The following KCNIP4 variants were observed in gnomAD, a reference collection of about 807,000 sequenced individuals.
The protein encoded by KCNIP4 is Kv channel-interacting protein 4.
Under a neutral mutation model 34.0 loss-of-function variants are expected in KCNIP4, and 12 were observed. That is an observed-to-expected ratio of 0.35 (90% CI 0.23 to 0.57). The LOEUF (loss-of-function observed/expected upper bound fraction) is 0.57. Ranked by LOEUF, KCNIP4 falls within the 20% of genes least tolerant of loss-of-function variation. The pLI, the probability that KCNIP4 is intolerant of heterozygous loss-of-function variation, is 0.83. For missense variants in KCNIP4, 238 were observed against 311.7 expected (o/e 0.76, Z 1.78); for synonymous variants, 124 against 102.2 (o/e 1.21, Z -1.29).
intron 1 of KCNIP4, among the ~76,000 whole-genome samples, chr4:21,914,661 T>A (rs1213057608): frequency 6.6e-6 from 1 of 152,216 alleles, no homozygotes; most frequent in East Asian, 1.9e-4. Flanking sequence ...CTTCATCACC[T>A]GCTCCTCTCT....
At chr4:21,719,860 G>A (rs1366761978) in intron 1 of KCNIP4, among the ~76,000 whole-genome samples, 1 of 151,878 alleles carries the variant, frequency 6.6e-6, no homozygotes, top group Non-Finnish European at 1.5e-5. Flanking sequence ...CTACTTGGGA[G>A]GCTGAGGCAG....
intron 3 of KCNIP4, among the ~76,000 whole-genome samples, chr4:20,834,681 G>A (rs960508726): frequency 7.9e-6 from 1 of 127,102 alleles, no homozygotes; most frequent in Admixed American, 7.8e-5. Flanking sequence ...GTGATGGAAA[G>A]GTATTGGGAA....
chr4:20,751,831 C>G (rs1578524948), intron 4 of KCNIP4, among the ~76,000 whole-genome samples: 1 of 152,276 alleles, frequency 6.6e-6, no homozygotes, highest in Non-Finnish European at 1.5e-5. Context: ...TCCTGTTCTT[C>G]TAAATGTGCC....
In KCNIP4 at chr4:21,095,611, T is replaced by G. The variant is rs529839204; in HGVS notation, c.62-212902A>C. Among the ~76,000 whole-genome samples, 1,367 of 148,008 alleles carry G rather than the reference T, an allele frequency of 9.2e-3. 9 individuals carry two copies. Among genetic ancestry groups the G allele is most frequent in the Middle Eastern group, 0.021 (6 of 286 alleles). On this transcript the variant is annotated intron_variant, in intron 1 of 8. Coordinates refer to ENST00000382152, the MANE Select transcript of KCNIP4 (RefSeq NM_025221.6). ...CTAGAATATAAACTACTATGCAGAG[T>G]GCAAATGCTATGTTTCATTAGTGTG...
chr4:21,433,322 C>A (rs1018764965), intron 1 of KCNIP4, among the ~76,000 whole-genome samples: 31 of 152,094 alleles, frequency 2.0e-4, no homozygotes, highest in African/African-American at 7.5e-4. Context: ...ATATATGGGG[C>A]TGGGTGCAGT....
chr4:21,030,287 A>G (rs1740905639), intron 1 of KCNIP4, among the ~76,000 whole-genome samples: 1 of 152,140 alleles, frequency 6.6e-6, no homozygotes, highest in Admixed American at 6.6e-5. Context: ...GCTCCTTATG[A>G]GAATCTAATG....
intron 3 of KCNIP4, among the ~76,000 whole-genome samples, chr4:20,813,390 G>A (rs1716005847): frequency 6.6e-6 from 1 of 152,158 alleles, no homozygotes; most frequent in Non-Finnish European, 1.5e-5. Flanking sequence ...TCATTGAGGG[G>A]AGCAAGGGCA....
intron 1 of KCNIP4, among the ~76,000 whole-genome samples, chr4:21,590,825 A>G (rs1742146628): frequency 1.3e-5 from 2 of 151,936 alleles, no homozygotes; most frequent in Non-Finnish European, 2.9e-5. Context: ...TATAGACAAA[A>G]CTGATCCTCT....
chr4:21,828,467 A>G (rs979323838), intron 1 of KCNIP4, among the ~76,000 whole-genome samples: 19 of 152,004 alleles, frequency 1.2e-4, no homozygotes, highest in African/African-American at 4.6e-4. Flanking sequence ...AAGACTTTCC[A>G]AAACTGTTGA....
chr4:20,752,372 T>C (rs561271083), intron 4 of KCNIP4, among the ~76,000 whole-genome samples: 1 of 152,292 alleles, frequency 6.6e-6, no homozygotes, highest in Admixed American at 6.5e-5. Context: ...ATAGAGATCT[T>C]ACTAAGTTTA....
intron 1 of KCNIP4, among the ~76,000 whole-genome samples, chr4:21,837,019 T>C (rs1723368764): frequency 6.7e-6 from 1 of 148,516 alleles, no homozygotes. Context: ...CCGGATTCAC[T>C]CCATTCTCCT....
intron 1 of KCNIP4, among the ~76,000 whole-genome samples, chr4:21,216,539 G>C (rs1757589440): frequency 6.6e-6 from 1 of 152,150 alleles, no homozygotes; most frequent in African/African-American, 2.4e-5. Flanking sequence ...TGAAGACACG[G>C]GGAGGAAGAT....
intron 1 of KCNIP4, among the ~76,000 whole-genome samples, chr4:21,647,033 G>A (rs1747071777): frequency 6.6e-6 from 1 of 152,066 alleles, no homozygotes; most frequent in Non-Finnish European, 1.5e-5. Context: ...AATTGAAAGT[G>A]AATAGAATGG....
chr4:21,219,139 C>T (rs1392207478), intron 1 of KCNIP4, among the ~76,000 whole-genome samples: 2 of 152,142 alleles, frequency 1.3e-5, no homozygotes, highest in African/African-American at 4.8e-5. Flanking sequence ...GCAAACCCAG[C>T]AGCCCTGCGT....
chr4:21,744,588 C>G (rs990128215), intron 1 of KCNIP4, among the ~76,000 whole-genome samples: 4 of 152,172 alleles, frequency 2.6e-5, no homozygotes, highest in African/African-American at 9.6e-5. Flanking sequence ...TCCTGGGACT[C>G]TCAACCCAGC....
chr4:21,173,470 A>C (rs1180137179), intron 1 of KCNIP4, among the ~76,000 whole-genome samples: 2 of 152,168 alleles, frequency 1.3e-5, no homozygotes, highest in Admixed American at 1.3e-4. Flanking sequence ...AGTTCAGGGG[A>C]GGAAGGCTCC....
chr4:20,948,973 T>C (rs1732482874), intron 1 of KCNIP4, among the ~76,000 whole-genome samples: 1 of 152,176 alleles, frequency 6.6e-6, no homozygotes, highest in Admixed American at 6.5e-5. Context: ...TTTAATGGAA[T>C]CCCTGCCACC....
intron 1 of KCNIP4, among the ~76,000 whole-genome samples, chr4:21,035,728 A>G (rs1475420812): frequency 1.3e-5 from 2 of 152,150 alleles, no homozygotes; most frequent in Non-Finnish European, 1.5e-5. Flanking sequence ...CTCTGCTCAT[A>G]TTCCCTGAGA....
intron 1 of KCNIP4, among the ~76,000 whole-genome samples, chr4:21,818,061 T>C (rs1218295436): frequency 3.3e-5 from 5 of 152,158 alleles, no homozygotes; most frequent in African/African-American, 1.2e-4. Flanking sequence ...CCCTTCCCTT[T>C]TTGAAACCCT....
Sources: allele counts gnomAD v4.1 joint callset (sites outside exome capture counted in the v4.1 genomes callset), GRCh38; gene constraint gnomAD v4.1.1; transcripts MANE v1.5; gene names NCBI Gene and HGNC (gene_info 2026-07-23, HGNC 2026-07-21).